Variants in SIN3A observed in about 807,000 individuals in gnomAD.
The protein encoded by SIN3A is paired amphipathic helix protein Sin3a.
In SIN3A, 14 loss-of-function variants were observed where a neutral mutation model predicts 146.1. The ratio of observed to expected loss-of-function variants is 0.10; its 90% CI spans 0.06 to 0.15. The LOEUF (loss-of-function observed/expected upper bound fraction) is 0.15. SIN3A is among the 10% of genes least tolerant of loss of function. SIN3A has a pLI of 1.00. For missense variants in SIN3A, 1,028 were observed against 1,576.0 expected, an observed-to-expected ratio of 0.65 and a Z score of 5.89; for synonymous variants, 572 against 572.0, an observed-to-expected ratio of 1.00 and a Z score of 0.00.
Position 75,422,634 on chromosome 15 carries a change from A to C in SIN3A, c.366+13T>G. 6.2e-7 allele frequency: 1 copy of C among 1,614,124 alleles called. No homozygotes were observed. Among genetic ancestry groups the C allele is most frequent in the African/African-American group, 1.3e-5 (1 of 75,072 alleles). On this transcript the variant is annotated intron_variant, in intron 3 of 20. Transcript: ENST00000394947. ...ATAAATTTTTTGACCCAAGAAAAAG[A>C]GCTGAATACCACCTTCAGCCTCTGA...
intron 6 of SIN3A, among the ~76,000 whole-genome samples, chr15:75,410,777 C>G (rs1326764747): frequency 6.6e-6 from 1 of 151,834 alleles, no homozygotes; most frequent in African/African-American, 2.4e-5. Flanking sequence ...AGGCCGGGCA[C>G]GGTGGCTCAT....
At chr15:75,449,943 C>CA (rs1555450879) in intron 1 of SIN3A, among the ~76,000 whole-genome samples, 15 of 151,958 alleles carry the variant, frequency 9.9e-5, no homozygotes, top group Non-Finnish European at 4.4e-5. Flanking sequence ...CCACGCCCAG[C>CA]TTTTTTTTGT....
chr15:75,411,529 A>G lies in SIN3A; in HGVS notation c.971T>C (p.Ile324Thr), dbSNP rs766117367. 6.2e-7 allele frequency: 1 copy of G among 1,614,180 alleles called. No homozygotes were observed. The highest frequency in any genetic ancestry group is 8.5e-7 in the Non-Finnish European group (1 of 1,180,032). The change falls in exon 6 of 21, where the codon ATC becomes ACC. Residue 324 changes from isoleucine (I) to threonine (T), a missense_variant. Physicochemically the swap from Ile to Thr is moderately conservative, Grantham distance 89. This residue lies in a region of SIN3A where 14 missense variants were observed against 54.4 expected (regional missense o/e 0.26). Coordinates refer to ENST00000394947, the MANE Select transcript of SIN3A (RefSeq NM_001145358.2). Reference protein sequence around the residue: ...IKNRFQGQPDIYKAFLEILHT... With the variant: ...IKNRFQGQPDTYKAFLEILHT... ...CAAAATCTCCAGGAATGCTTTGTAGATGTCTGGTTGGCCCTGAAATCTGTT... is the reference window on the plus strand; with the variant it reads ...CAAAATCTCCAGGAATGCTTTGTAGGTGTCTGGTTGGCCCTGAAATCTGTT...
In SIN3A at chr15:75,399,188, G is replaced by T. The variant is rs533561032; in HGVS notation, c.1854+852C>A. Among the ~76,000 whole-genome samples, 4 of 151,786 alleles carry T rather than the reference G, an allele frequency of 2.6e-5. No individual in the cohort carries two copies. The East Asian group carries it at 5.8e-4, about 22-fold the overall frequency. On this transcript the variant is annotated intron_variant, in intron 12 of 20. Transcript: ENST00000394947. ...TGAACTGTGATTGTGCCACTGCACT[G>T]CAGCCTGGGCAATAGAATGAGACCC... is the stretch of plus-strand genomic sequence containing the variant.
chr15:75,438,207 A>G (rs2074139375), intron 1 of SIN3A, among the ~76,000 whole-genome samples: 1 of 152,098 alleles, frequency 6.6e-6, no homozygotes. Context: ...CTAAAGCACG[A>G]AAAACAAATT....
chr15:75,454,711 G>A (rs915367513), upstream of SIN3A, among the ~76,000 whole-genome samples: 6 of 150,598 alleles, frequency 4.0e-5, no homozygotes, highest in East Asian at 1.2e-3. Flanking sequence ...CATCCGCGCC[G>A]AGCGGTCCGC....
chr15:75,451,953 A>G (rs901163052), upstream of SIN3A, among the ~76,000 whole-genome samples: 2 of 151,614 alleles, frequency 1.3e-5, no homozygotes, highest in African/African-American at 4.8e-5. Flanking sequence ...GAGCCCCAAC[A>G]CTATTGGAGG....
At chr15:75,396,859 G>A (rs1260251296) in intron 12 of SIN3A, among the ~76,000 whole-genome samples, 1 of 152,164 alleles carries the variant, frequency 6.6e-6, no homozygotes, top group African/African-American at 2.4e-5. Context: ...GAACCAAACA[G>A]GAGATGACTT....
At chr15:75,424,116 A>C (rs1198587338) in intron 2 of SIN3A, among the ~76,000 whole-genome samples, 1 of 152,166 alleles carries the variant, frequency 6.6e-6, no homozygotes, top group African/African-American at 2.4e-5. Flanking sequence ...ATAAAAATAA[A>C]TTACTATGAA....
At chr15:75,448,639 T>A (rs1309640380) in intron 1 of SIN3A, among the ~76,000 whole-genome samples, 3 of 152,240 alleles carry the variant, frequency 2.0e-5, no homozygotes, top group South Asian at 4.1e-4. Flanking sequence ...CTACAGAAAG[T>A]AAAGCTTAAC....
At position 75,371,470 on chromosome 15, in the gene SIN3A, G is replaced by C. The variant is rs536646765; in HGVS notation, c.*509C>G. ...CTAATGGGTGATCTTAGATGTGCTC[G>C]AGTGACCAGAAAAAAAAAATCAAAT... On this transcript the variant is annotated 3_prime_UTR_variant, in exon 21 of 21. Transcript: ENST00000394947. 1 of 153,034 alleles carries C rather than the reference G, an allele frequency of 6.5e-6. No individual in the cohort carries two copies. The highest frequency in any genetic ancestry group is 6.5e-5 in the Admixed American group (1 of 15,306). 9.5% of individuals were successfully genotyped at this position (153,034 alleles called of 1,614,324 possible).
At chr15:75,381,727 G>A (rs756324187) in intron 17 of SIN3A, 22 bp from the exon 18 acceptor site, 24 of 1,561,490 alleles carry the variant, frequency 1.5e-5, no homozygotes, top group South Asian at 8.9e-5. Flanking sequence ...AAACCTAAGC[G>A]TAAACAAAAG....
Position 75,438,687 on chromosome 15 carries a change from T to A in SIN3A, c.-33-8279A>T, listed in dbSNP as rs994799729. The stretch of plus-strand genomic sequence containing the variant: ...ATGGGTGATGGAATAAGACCCTGTC[T>A]CAAAAAAACAAAAGTCTATCCTGGT... On this transcript the variant is annotated intron_variant, in intron 1 of 20. Coordinates refer to ENST00000394947, the MANE Select transcript of SIN3A (RefSeq NM_001145358.2). Among the ~76,000 whole-genome samples, 45 of 152,114 alleles carry A rather than the reference T, an allele frequency of 3.0e-4. 1 individual carries two copies. Among genetic ancestry groups the A allele is most frequent in the African/African-American group, 1.1e-3 (44 of 41,512 alleles).
chr15:75,383,145 G>A (rs2073006902), intron 17 of SIN3A, among the ~76,000 whole-genome samples: 1 of 151,604 alleles, frequency 6.6e-6, no homozygotes, highest in Non-Finnish European at 1.5e-5. Context: ...AGTGGTACAT[G>A]ACTGTAATCC....
At chr15:75,443,101 C>T (rs892439310) in intron 1 of SIN3A, among the ~76,000 whole-genome samples, 1 of 151,956 alleles carries the variant, frequency 6.6e-6, no homozygotes, top group East Asian at 1.9e-4. Flanking sequence ...TACAGGTGCA[C>T]GCCACCATGC....
intron 16 of SIN3A, among the ~76,000 whole-genome samples, 191 bp from the exon 17 acceptor site, chr15:75,384,628 C>T (rs532392378): frequency 3.3e-5 from 5 of 152,044 alleles, no homozygotes; most frequent in South Asian, 2.1e-4. Flanking sequence ...AATAATCAAG[C>T]CAGGATTTTC....
intron 1 of SIN3A, among the ~76,000 whole-genome samples, chr15:75,433,012 G>A (rs2074039845): frequency 6.6e-6 from 1 of 152,192 alleles, no homozygotes; most frequent in African/African-American, 2.4e-5. Context: ...CTGCACCCCA[G>A]GCTGGGGGAC....
rs1456236755 is a variant in SIN3A at position 75,380,687 on chromosome 15, C to T, written c.3325G>A (p.Asp1109Asn). 1.8e-5 allele frequency: 29 copies of T among 1,614,062 alleles called. No individual in the cohort carries two copies. The highest frequency in any genetic ancestry group is 2.5e-5 in the Non-Finnish European group (29 of 1,179,982). ...SDYVERYMNS[D>N]TTSPELREHL... ...TCACGAAGCTCAGGCGAGGTAGTAT[C>T]TGAATTCATGTATCGCTCCACGTAG... The change falls in exon 19 of 21, where the codon GAT becomes AAT. Residue 1109 changes from aspartate to asparagine, a missense_variant. By Grantham distance (23) the Asp-to-Asn change is conservative. This residue lies in a region of SIN3A where 488 missense variants were observed against 690.2 expected (regional missense o/e 0.71). Transcript: ENST00000394947.
intron 17 of SIN3A, chr15:75,384,048 A>C: frequency 3.2e-6 from 1 of 309,016 alleles, no homozygotes; most frequent in South Asian, 1.2e-4. Flanking sequence ...AATCATATAT[A>C]ACTAGTTTTT....
Sources: allele counts gnomAD v4.1 joint callset (sites outside exome capture counted in the v4.1 genomes callset), GRCh38; gene constraint gnomAD v4.1.1; regional missense constraint gnomAD v4.1.1; transcripts MANE v1.5; gene names NCBI Gene and HGNC (gene_info 2026-07-23, HGNC 2026-07-21).